CDH12: variants seen among roughly 807,000 people sequenced by gnomAD.
CDH12 encodes cadherin-12.
CDH12 carries 41 observed loss-of-function variants against 74.1 expected under a neutral mutation model. The observed-to-expected ratio is 0.55, with a 90% CI of 0.43 to 0.72. The LOEUF (loss-of-function observed/expected upper bound fraction) is 0.72. CDH12 is among the 30% of genes least tolerant of loss of function. The pLI, the probability that CDH12 is intolerant of heterozygous loss-of-function variation, is 0.00. For missense variants in CDH12, 945 were observed against 977.2 expected, an observed-to-expected ratio of 0.97 and a Z score of 0.44; for synonymous variants, 399 against 355.0, an observed-to-expected ratio of 1.12 and a Z score of -1.39.
chr5:22,499,222 T>G (rs1190348286), intron 2 of CDH12, among the ~76,000 whole-genome samples: 3 of 152,138 alleles, frequency 2.0e-5, no homozygotes, highest in Non-Finnish European at 4.4e-5. Flanking sequence ...CCCAGTGTGA[T>G]CTTCTTAAAA....
intron 4 of CDH12, among the ~76,000 whole-genome samples, chr5:22,095,142 A>G (rs1420578947): frequency 6.6e-6 from 1 of 152,132 alleles, no homozygotes; most frequent in Non-Finnish European, 1.5e-5. Context: ...TCCATGAAAA[A>G]GATCCACCTA....
chr5:22,636,873 G>A (rs1251794867), intron 1 of CDH12, among the ~76,000 whole-genome samples: 1 of 152,172 alleles, frequency 6.6e-6, no homozygotes, highest in East Asian at 1.9e-4. Context: ...AAATGCAGTG[G>A]TACTCTGTGG....
intron 1 of CDH12, among the ~76,000 whole-genome samples, chr5:22,791,413 G>C (rs750390839): frequency 6.6e-6 from 1 of 152,034 alleles, no homozygotes; most frequent in Non-Finnish European, 1.5e-5. Flanking sequence ...ATAAAGAACA[G>C]AATAAAAGGG....
At chr5:22,764,702 T>A (rs1044574332) in intron 1 of CDH12, among the ~76,000 whole-genome samples, 2 of 152,040 alleles carry the variant, frequency 1.3e-5, no homozygotes, top group African/African-American at 2.4e-5. Flanking sequence ...TCTGCAGATA[T>A]GATGCCTCAA....
intron 1 of CDH12, among the ~76,000 whole-genome samples, chr5:22,640,356 T>C (rs1739081117): frequency 6.6e-6 from 1 of 152,238 alleles, no homozygotes; most frequent in South Asian, 2.1e-4. Flanking sequence ...TGTATTACTT[T>C]AATAATCTTA....
intron 1 of CDH12, among the ~76,000 whole-genome samples, chr5:22,584,635 T>C (rs1422105753): frequency 2.0e-5 from 3 of 152,290 alleles, no homozygotes; most frequent in Non-Finnish European, 2.9e-5. Context: ...GAAATAGTAA[T>C]GGCAGGTCAT....
intron 4 of CDH12, among the ~76,000 whole-genome samples, chr5:22,145,688 T>C (rs1747114324): frequency 6.6e-6 from 1 of 152,138 alleles, no homozygotes; most frequent in African/African-American, 2.4e-5. Context: ...TTCAGTTAAG[T>C]ATTTCATCTC....
chr5:22,492,612 G>T (rs1251391129), intron 2 of CDH12, among the ~76,000 whole-genome samples: 6 of 152,116 alleles, frequency 3.9e-5, no homozygotes, highest in Admixed American at 3.3e-4. Context: ...CTCCCAAAGT[G>T]CTGGGATTAC....
chr5:22,644,998 T>G (rs1561548679), intron 1 of CDH12, among the ~76,000 whole-genome samples: 1 of 152,194 alleles, frequency 6.6e-6, no homozygotes, highest in Admixed American at 6.5e-5. Context: ...AAACAAGATA[T>G]TTTTCCAAAA....
At chr5:22,103,109 A>G (rs985212207) in intron 4 of CDH12, among the ~76,000 whole-genome samples, 3 of 152,134 alleles carry the variant, frequency 2.0e-5, no homozygotes, top group Non-Finnish European at 4.4e-5. Context: ...GCACTTAGAG[A>G]CAGGCAGATA....
chr5:22,348,125 C>T (rs956061675), intron 3 of CDH12, among the ~76,000 whole-genome samples: 2 of 152,096 alleles, frequency 1.3e-5, no homozygotes, highest in Admixed American at 6.5e-5. Context: ...CTGGCACTAA[C>T]GTTACAGGCA....
intron 11 of CDH12, 88 bp downstream of exon 11, chr5:21,783,270 A>C (rs1746010519): frequency 8.2e-7 from 1 of 1,222,606 alleles, no homozygotes; most frequent in Admixed American, 2.3e-5. Flanking sequence ...CAGTCCAAAA[A>C]TGAAAAACAT....
chr5:22,604,600 A>T (rs1406306589), intron 1 of CDH12, among the ~76,000 whole-genome samples: 1 of 152,236 alleles, frequency 6.6e-6, no homozygotes, highest in East Asian at 1.9e-4. Flanking sequence ...TGTATAAAAT[A>T]AAGTATTCAG....
intron 1 of CDH12, among the ~76,000 whole-genome samples, chr5:22,681,822 T>A (rs927131850): frequency 1.8e-4 from 27 of 152,210 alleles, no homozygotes; most frequent in Admixed American, 5.2e-4. Context: ...AGATTGTTTG[T>A]TTTTGTTGAA....
intron 2 of CDH12, among the ~76,000 whole-genome samples, chr5:22,462,933 T>A (rs1745578740): frequency 6.6e-6 from 1 of 152,112 alleles, no homozygotes; most frequent in Non-Finnish European, 1.5e-5. Context: ...TGATGAAAAA[T>A]TTGTTTCATT....
intron 1 of CDH12, among the ~76,000 whole-genome samples, chr5:22,529,106 A>G (rs1737432713): frequency 9.2e-6 from 1 of 108,796 alleles, no homozygotes; most frequent in Non-Finnish European, 1.9e-5. Context: ...GAATATATGC[A>G]TATATATGCA....
intron 13 of CDH12, among the ~76,000 whole-genome samples, chr5:21,757,943 C>CA (rs1744494564): frequency 6.6e-6 from 1 of 152,172 alleles, no homozygotes; most frequent in Non-Finnish European, 1.5e-5. Context: ...CTAAGGCTCT[C>CA]ACCCATTTAC....
At chr5:22,073,141 C>T (rs372390146) in intron 5 of CDH12, among the ~76,000 whole-genome samples, 81 of 152,160 alleles carry the variant, frequency 5.3e-4, no homozygotes, top group Middle Eastern at 3.4e-3. Context: ...TACATTTATT[C>T]CTATAGGCTT....
chr5:22,525,057 G>A (rs1737209797), intron 1 of CDH12, among the ~76,000 whole-genome samples: 1 of 150,216 alleles, frequency 6.7e-6, no homozygotes, highest in South Asian at 2.1e-4. Flanking sequence ...AGAACATGCA[G>A]TGTTTGGTTT....
Sources: gnomAD v4.1 joint callset for allele counts (sites outside exome capture counted in the v4.1 genomes callset) on GRCh38, gnomAD v4.1.1 for gene constraint, MANE v1.5 for transcripts, NCBI Gene and HGNC (gene_info 2026-07-23, HGNC 2026-07-21) for gene names.